Variants in ATP2B1 observed in about 807,000 individuals in gnomAD.
The protein encoded by ATP2B1 is ATPase plasma membrane Ca2+ transporting 1.
In ATP2B1, 14 loss-of-function variants were observed where a neutral mutation model predicts 124.2. That is an observed-to-expected ratio of 0.11 (90% CI 0.07 to 0.18). The LOEUF (loss-of-function observed/expected upper bound fraction) is 0.18. Ranked by LOEUF, ATP2B1 falls within the 10% of genes least tolerant of loss-of-function variation. ATP2B1 has a pLI of 1.00. For missense variants in ATP2B1, 763 were observed against 1,466.1 expected, an observed-to-expected ratio of 0.52 and a Z score of 7.83; for synonymous variants, 449 against 492.4, an observed-to-expected ratio of 0.91 and a Z score of 1.17.
intron 1 of ATP2B1, among the ~76,000 whole-genome samples, chr12:89,658,380 T>C (rs565520984): frequency 6.6e-6 from 1 of 152,312 alleles, no homozygotes; most frequent in South Asian, 2.1e-4. Context: ...GACTCATGTA[T>C]TCTGGTTTGA....
At chr12:89,629,192 A>G (rs143902854) in intron 6 of ATP2B1, among the ~76,000 whole-genome samples, 2 of 152,290 alleles carry the variant, frequency 1.3e-5, no homozygotes, top group East Asian at 3.9e-4. Context: ...ATTAGGATGG[A>G]GCACAGCATA....
At chr12:89,626,414 C>A in intron 8 of ATP2B1, 40 bp downstream of exon 8, 1 of 1,540,510 alleles carries the variant, frequency 6.5e-7, no homozygotes. Context: ...AGAAAGCATA[C>A]TTAAAAATAA....
chr12:89,594,471 A>T (rs1030925909), intron 20 of ATP2B1: 2 of 151,808 alleles, frequency 1.3e-5, no homozygotes, highest in African/African-American at 4.8e-5. Flanking sequence ...TTCAATTCCT[A>T]TTTATTAACT....
chr12:89,702,089 G>A (rs756266401), intron 1 of ATP2B1, among the ~76,000 whole-genome samples: 4 of 152,136 alleles, frequency 2.6e-5, no homozygotes, highest in Non-Finnish European at 5.9e-5. Flanking sequence ...CCACTAAAGG[G>A]AGTTTTGTGA....
chr12:89,615,394 G>C (rs1878787815), intron 12 of ATP2B1, among the ~76,000 whole-genome samples: 1 of 151,994 alleles, frequency 6.6e-6, no homozygotes, highest in Non-Finnish European at 1.5e-5. Context: ...TGAGAACAGG[G>C]ACCAAGTCTT....
Position 89,642,050 on chromosome 12 carries a change from C to T in ATP2B1, c.406+108G>A, listed in dbSNP as rs572542124. The T allele has an allele frequency of 1.2e-4, 129 of 1,104,456 alleles. 1 individual carries two copies. The African/African-American group carries it at 1.8e-3, about 16-fold the overall frequency. The allele number at this position is 1,104,456 out of a possible 1,614,324, so 68.4% of individuals were successfully genotyped here. On this transcript the variant is annotated intron_variant, in intron 3 of 20. Coordinates refer to ENST00000428670, the MANE Select transcript of ATP2B1 (RefSeq NM_001366521.1). ...TTAAGGTACTTAGAACAGTGCCTAG[C>T]ACATAGCAAACATCAATAAATGCTG...
chr12:89,664,417 C>T (rs943359355), intron 1 of ATP2B1, among the ~76,000 whole-genome samples: 7 of 152,166 alleles, frequency 4.6e-5, no homozygotes, highest in South Asian at 4.1e-4. Flanking sequence ...TTTTGGTCTA[C>T]GGTCAAGTCA....
At chr12:89,614,343 G>A (rs1215020365) in intron 12 of ATP2B1, among the ~76,000 whole-genome samples, 1 of 151,984 alleles carries the variant, frequency 6.6e-6, no homozygotes, top group Non-Finnish European at 1.5e-5. Context: ...CTTCCTTAAA[G>A]AAAACAAAAA....
At chr12:89,648,852 C>G (rs902060182) in intron 2 of ATP2B1, among the ~76,000 whole-genome samples, 20 of 152,252 alleles carry the variant, frequency 1.3e-4, no homozygotes, top group Non-Finnish European at 2.5e-4. Context: ...GGAGACTGCT[C>G]CCTGCATCCT....
At chr12:89,694,334 T>A (rs1411111114) in intron 1 of ATP2B1, among the ~76,000 whole-genome samples, 1 of 152,096 alleles carries the variant, frequency 6.6e-6, no homozygotes, top group African/African-American at 2.4e-5. Flanking sequence ...AATCTATGAC[T>A]TTTAATGACA....
At position 89,708,723 on chromosome 12, in the gene ATP2B1, G is replaced by C. The variant is rs1391329806; in HGVS notation, c.-349C>G. 1.3e-5 allele frequency: 2 copies of C among 152,128 alleles called. No individual in the cohort carries two copies. The highest frequency in any genetic ancestry group is 3.9e-4 in the East Asian group (2 of 5,128). 9.4% of individuals were successfully genotyped at this position (152,128 alleles called of 1,614,324 possible). On this transcript the variant is annotated 5_prime_UTR_variant, in exon 1 of 21. Transcript: ENST00000428670. ...TCCGTCCTCAGCGCGTCCGCAGCCG[G>C]CTCGCAGGGCTCGGGGCGCCACGCG...
chr12:89,650,145 T>A (rs1885054007), intron 2 of ATP2B1, among the ~76,000 whole-genome samples: 1 of 152,166 alleles, frequency 6.6e-6, no homozygotes, highest in African/African-American at 2.4e-5. Flanking sequence ...AGTAACACAG[T>A]CTGTATCATG....
intron 20 of ATP2B1, among the ~76,000 whole-genome samples, chr12:89,595,940 A>C (rs1262025315): frequency 2.0e-4 from 31 of 152,144 alleles, no homozygotes. Flanking sequence ...TCCCTGAAGT[A>C]TCTGCTCCCC....
At chr12:89,598,973 G>A in intron 20 of ATP2B1, 144 bp downstream of exon 20, 1 of 1,055,294 alleles carries the variant, frequency 9.5e-7, no homozygotes, top group Non-Finnish European at 1.4e-6. Context: ...ACTCATTCCA[G>A]GCACCAGTAT....
intron 1 of ATP2B1, among the ~76,000 whole-genome samples, chr12:89,693,013 T>C (rs796274035): frequency 2.8e-4 from 42 of 152,316 alleles, no homozygotes; most frequent in African/African-American, 9.6e-4. Flanking sequence ...GTCAGTAAAG[T>C]ATTTCTGAAT....
intron 1 of ATP2B1, among the ~76,000 whole-genome samples, chr12:89,706,066 TGGGAAGGAA>T (rs918235486): frequency 6.6e-6 from 1 of 152,158 alleles, no homozygotes; most frequent in African/African-American, 2.4e-5. Context: ...ACTTATGATT[TGGGAAGGAA>T]GGGAAGGGAA....
At chr12:89,702,238 T>C (rs1042441987) in intron 1 of ATP2B1, among the ~76,000 whole-genome samples, 3 of 152,200 alleles carry the variant, frequency 2.0e-5, no homozygotes, top group African/African-American at 7.2e-5. Context: ...TCCCTATTAA[T>C]ATTTTTTGGA....
intron 2 of ATP2B1, among the ~76,000 whole-genome samples, chr12:89,646,185 G>C (rs1435030733): frequency 6.6e-6 from 1 of 152,074 alleles, no homozygotes; most frequent in Non-Finnish European, 1.5e-5. Flanking sequence ...TGAAGAATTA[G>C]GAGGAAAGGG....
intron 7 of ATP2B1, among the ~76,000 whole-genome samples, chr12:89,627,162 A>G (rs1305236007): frequency 1.3e-5 from 2 of 152,132 alleles, no homozygotes; most frequent in Non-Finnish European, 2.9e-5. Flanking sequence ...ATACCTCAAA[A>G]TCTGAAACTT....
Sources: allele counts gnomAD v4.1 joint callset (sites outside exome capture counted in the v4.1 genomes callset), GRCh38; gene constraint gnomAD v4.1.1; transcripts MANE v1.5; gene names NCBI Gene and HGNC (gene_info 2026-07-23, HGNC 2026-07-21).